The following MAP2K4 variants were observed in gnomAD, a reference collection of about 807,000 sequenced individuals.
The protein encoded by MAP2K4 is dual specificity mitogen-activated protein kinase kinase 4.
A neutral mutation model predicts 48.5 loss-of-function variants in MAP2K4; 4 were observed. That is an observed-to-expected ratio of 0.08 (90% CI 0.04 to 0.19). The LOEUF is 0.19. Ranked by LOEUF, MAP2K4 falls within the 10% of genes least tolerant of loss-of-function variation. The pLI is 1.00. For missense variants in MAP2K4, 258 were observed against 493.3 expected, an observed-to-expected ratio of 0.52 and a Z score of 4.52; for synonymous variants, 166 against 173.1, an observed-to-expected ratio of 0.96 and a Z score of 0.32.
intron 2 of MAP2K4, among the ~76,000 whole-genome samples, chr17:12,066,118 A>G (rs1291984168): frequency 4.7e-5 from 7 of 150,174 alleles, no homozygotes; most frequent in African/African-American, 2.4e-5. Flanking sequence ...AATAACATTT[A>G]CTATTGTTTC....
chr17:12,127,327 C>T (rs1340980855), intron 8 of MAP2K4, among the ~76,000 whole-genome samples: 5 of 152,124 alleles, frequency 3.3e-5, no homozygotes. Flanking sequence ...GGCAACTGGT[C>T]CCAAAGACTG....
chr17:12,137,479 G>A (rs1192199991), intron 9 of MAP2K4, among the ~76,000 whole-genome samples: 3 of 152,170 alleles, frequency 2.0e-5, no homozygotes, highest in Non-Finnish European at 4.4e-5. Flanking sequence ...AATCATAGCT[G>A]TTGATATAAA....
At chr17:12,026,717 A>C (rs1969264776) in intron 1 of MAP2K4, among the ~76,000 whole-genome samples, 1 of 152,210 alleles carries the variant, frequency 6.6e-6, no homozygotes, top group Non-Finnish European at 1.5e-5. Flanking sequence ...TCTTTGCCAG[A>C]AGTGATGCAG....
chr17:12,096,064 G>A (rs1473034202), intron 4 of MAP2K4, among the ~76,000 whole-genome samples: 4 of 8,314 alleles, frequency 4.8e-4, no homozygotes, highest in Non-Finnish European at 7.8e-4. Flanking sequence ...CTTGAGCAAC[G>A]CCTCCCCCCC....
At chr17:12,045,292 G>A (rs549064887) in intron 1 of MAP2K4, among the ~76,000 whole-genome samples, 4 of 152,080 alleles carry the variant, frequency 2.6e-5, no homozygotes, top group Non-Finnish European at 5.9e-5. Flanking sequence ...ACTTATAGGT[G>A]GTGAACAGTT....
intron 7 of MAP2K4, among the ~76,000 whole-genome samples, chr17:12,122,011 G>A (rs971505727): frequency 7.9e-5 from 12 of 152,052 alleles, no homozygotes; most frequent in African/African-American, 2.7e-4. Context: ...ATGGTTTTTC[G>A]ATACTGTGAA....
intron 1 of MAP2K4, among the ~76,000 whole-genome samples, chr17:12,053,945 A>G (rs559248704): frequency 7.6e-4 from 116 of 152,286 alleles, no homozygotes; most frequent in African/African-American, 2.6e-3. Context: ...GAGTTCAGGA[A>G]AAAGTGTCTC....
chr17:12,081,874 C>A lies in MAP2K4; in HGVS notation c.393+344C>A. Reference sequence around the variant, plus strand: ...AGTGCTGCACTGAGCCAGGCGGGAGCTGGAAGAAGACGCAGCACACTGGGT... The same window carrying A: ...AGTGCTGCACTGAGCCAGGCGGGAGATGGAAGAAGACGCAGCACACTGGGT... On this transcript the variant is annotated intron_variant, in intron 3 of 10. Coordinates refer to ENST00000353533, the MANE Select transcript of MAP2K4 (RefSeq NM_003010.4). This position sits in a 1 kb window ranked among gnomAD's most constrained non-coding sequence, Gnocchi z 4.2. 1 of 540,578 alleles carries A rather than the reference C, an allele frequency of 1.8e-6. No individual in the cohort carries two copies. Among genetic ancestry groups the A allele is most frequent in the Non-Finnish European group, 3.8e-6 (1 of 265,196 alleles). The allele number at this position is 540,578 out of a possible 1,614,324, so 33.5% of individuals were successfully genotyped here. A position where few individuals can be genotyped will look rare whatever the true frequency, so the allele number is the denominator to read the frequency against.
At chr17:12,138,640 G>A (rs549951587) in intron 9 of MAP2K4, among the ~76,000 whole-genome samples, 41 of 152,248 alleles carry the variant, frequency 2.7e-4, no homozygotes, top group African/African-American at 9.4e-4. Flanking sequence ...TGACCAAGAA[G>A]AGAAGTTAAC....
chr17:12,064,251 T>C (rs561771402), intron 2 of MAP2K4, among the ~76,000 whole-genome samples: 8 of 152,180 alleles, frequency 5.3e-5, no homozygotes, highest in African/African-American at 1.9e-4. Context: ...CCCGACTCAT[T>C]TAAAAAAATT....
chr17:12,111,996 G>A (rs939923901), intron 6 of MAP2K4, among the ~76,000 whole-genome samples: 3 of 152,122 alleles, frequency 2.0e-5, no homozygotes, highest in Non-Finnish European at 2.9e-5. Context: ...CTTTTCCCAC[G>A]TCTCTAATAC....
intron 7 of MAP2K4, among the ~76,000 whole-genome samples, chr17:12,123,315 T>C (rs575825105): frequency 7.8e-4 from 119 of 152,328 alleles, no homozygotes; most frequent in African/African-American, 2.7e-3. Flanking sequence ...CACTTTGATA[T>C]TCTTTTTGGT....
chr17:12,029,395 G>A (rs992464369), intron 1 of MAP2K4, among the ~76,000 whole-genome samples: 2 of 151,964 alleles, frequency 1.3e-5, no homozygotes, highest in African/African-American at 4.8e-5. Flanking sequence ...CTTGCCTGGG[G>A]CCAGGAAAAA....
chr17:12,036,384 A>G (rs1039239783), intron 1 of MAP2K4: 2 of 152,236 alleles, frequency 1.3e-5, no homozygotes, highest in African/African-American at 4.8e-5. Flanking sequence ...TATATAATTT[A>G]TGACCGTATC....
intron 9 of MAP2K4, among the ~76,000 whole-genome samples, chr17:12,131,023 A>G (rs1296852909): frequency 1.3e-5 from 2 of 152,154 alleles, no homozygotes; most frequent in Non-Finnish European, 1.5e-5. Flanking sequence ...TAGGTTGTAT[A>G]ATGGTTTTTA....
chr17:12,087,453 C>CT (rs1161555162), intron 3 of MAP2K4, among the ~76,000 whole-genome samples: 1 of 152,114 alleles, frequency 6.6e-6, no homozygotes, highest in African/African-American at 2.4e-5. Context: ...GCATGTCAAA[C>CT]TTGTTCCATT....
At chr17:12,093,726 C>G (rs553188576) in intron 3 of MAP2K4, among the ~76,000 whole-genome samples, 2 of 152,044 alleles carry the variant, frequency 1.3e-5, no homozygotes, top group Non-Finnish European at 2.9e-5. Context: ...CTTCCCCAAC[C>G]AAAGGGTTAT....
intron 1 of MAP2K4, among the ~76,000 whole-genome samples, chr17:12,054,640 A>G (rs1439991085): frequency 6.6e-6 from 1 of 152,168 alleles, no homozygotes; most frequent in Non-Finnish European, 1.5e-5. Flanking sequence ...TGAATAATGG[A>G]AACTTGAAGT....
intron 2 of MAP2K4, among the ~76,000 whole-genome samples, chr17:12,072,547 T>A (rs1358757250): frequency 1.3e-5 from 2 of 152,176 alleles, no homozygotes; most frequent in African/African-American, 4.8e-5. Flanking sequence ...CAACTACAAT[T>A]AGACTTTTAA....
Sources: gnomAD v4.1 joint callset for allele counts (sites outside exome capture counted in the v4.1 genomes callset) on GRCh38, gnomAD v4.1.1 for gene constraint, Gnocchi (gnomAD v3.1) non-coding constraint, MANE v1.5 for transcripts, NCBI Gene and HGNC (gene_info 2026-07-23, HGNC 2026-07-21) for gene names.